The following EPHA8 variants were observed in gnomAD, a reference collection of about 807,000 sequenced individuals.
EPHA8 encodes the protein EPH receptor A8, also known as ephrin type-A receptor 8.
Under a neutral mutation model 103.6 loss-of-function variants are expected in EPHA8, and 58 were observed. The ratio of observed to expected loss-of-function variants is 0.56; its 90% CI spans 0.45 to 0.70. The LOEUF (loss-of-function observed/expected upper bound fraction) is 0.70, where lower values mean the gene tolerates loss of function less well. EPHA8 is among the 30% of genes least tolerant of loss of function. The pLI is 0.00. For missense variants in EPHA8, 1,304 were observed against 1,395.2 expected, an observed-to-expected ratio of 0.93 and a Z score of 1.04; for synonymous variants, 559 against 572.5, an observed-to-expected ratio of 0.98 and a Z score of 0.34.
intron 5 of EPHA8, among the ~76,000 whole-genome samples, chr1:22,591,325 A>G (rs1255130133): frequency 1.3e-5 from 2 of 152,058 alleles, no homozygotes; most frequent in East Asian, 1.9e-4. Context: ...CCGGAGCCCA[A>G]GTGATCCTCC....
In EPHA8 at chr1:22,578,623, G is replaced by A. The variant is rs111203840; in HGVS notation, c.823+1743G>A. ...CATGTGTGCATGAGTGTATGTCTGC[G>A]TGTGTGCATGTGTGTATGTGTATGT... is the stretch of plus-strand genomic sequence containing the variant. On this transcript the variant is annotated intron_variant, in intron 3 of 16. Transcript: ENST00000166244. 9.8e-3 allele frequency among the ~76,000 whole-genome samples: 1,411 copies of A among 144,010 alleles called. 20 individuals carry two copies. The highest frequency in any genetic ancestry group is 0.035 in the African/African-American group (1,328 of 37,910). 94.5% of individuals were successfully genotyped at this position (144,010 alleles called of 152,430 possible). A position where few individuals can be genotyped will look rare whatever the true frequency, so the allele number is the denominator to read the frequency against.
chr1:22,590,408 T>C (rs1435291707), intron 5 of EPHA8, among the ~76,000 whole-genome samples: 6 of 152,206 alleles, frequency 3.9e-5, no homozygotes, highest in Non-Finnish European at 5.9e-5. Flanking sequence ...ACCCTCTCTG[T>C]CCGTGCCTGG....
At chr1:22,590,717 T>C (rs937111433) in intron 5 of EPHA8, among the ~76,000 whole-genome samples, 2 of 151,880 alleles carry the variant, frequency 1.3e-5, no homozygotes, top group African/African-American at 2.4e-5. Context: ...AGATCCATCT[T>C]TTCTGGGCGG....
Position 22,576,630 on chromosome 1 carries a change from C to T in EPHA8, c.573C>T (p.Cys191=). 1 of 1,613,874 alleles carries T rather than the reference C, an allele frequency of 6.2e-7. No homozygotes were observed. Among genetic ancestry groups the T allele is most frequent in the Non-Finnish European group, 8.5e-7 (1 of 1,180,032 alleles). Residue 191 remains cysteine, a synonymous_variant, in exon 3 of 17, where the codon TGC becomes TGT. Coordinates refer to ENST00000166244, the MANE Select transcript of EPHA8 (RefSeq NM_020526.5). The surrounding 1 kb of genome is among the most constrained non-coding windows in gnomAD (Gnocchi z 4.8). ...FYLAFQDIGA[C]LAILSLRIYY... ...TGGCCTTCCAGGACATAGGTGCCTG[C>T]CTGGCCATCCTCTCTCTCCGCATCT... is the stretch of plus-strand genomic sequence containing the variant.
At chr1:22,595,521 C>G (rs1042564959) in intron 8 of EPHA8, among the ~76,000 whole-genome samples, 198 bp downstream of exon 8, 6 of 152,172 alleles carry the variant, frequency 3.9e-5, no homozygotes, top group African/African-American at 1.4e-4. Context: ...AATTGGGGAT[C>G]AGAGAGGTTA....
At chr1:22,577,916 TGAGTGTATGTGTGC>T (rs1640770617) in intron 3 of EPHA8, among the ~76,000 whole-genome samples, 1 of 116,138 alleles carries the variant, frequency 8.6e-6, no homozygotes, top group African/African-American at 3.8e-5. Flanking sequence ...TATGTGTGCG[TGAGTGTATGTGTGC>T]GTGAGTGTAT....
intron 13 of EPHA8, among the ~76,000 whole-genome samples, chr1:22,600,043 AGTGG>A (rs1641666237): frequency 2.2e-5 from 2 of 89,808 alleles, no homozygotes; most frequent in Non-Finnish European, 2.2e-5. Context: ...GGAGGGAGGG[AGTGG>A]AGGAGGAAGG....
chr1:22,598,718 C>G lies in EPHA8; in HGVS notation c.2179-120C>G. The G allele has an allele frequency of 1.0e-6, 1 of 999,352 alleles. No individual in the cohort carries two copies. Among genetic ancestry groups the G allele is most frequent in the South Asian group, 1.6e-5 (1 of 64,290 alleles). The allele number at this position is 999,352 out of a possible 1,614,324, so 61.9% of individuals were successfully genotyped here. On this transcript the variant is annotated intron_variant, in intron 12 of 16. Coordinates refer to ENST00000166244, the MANE Select transcript of EPHA8 (RefSeq NM_020526.5). This position sits in a 1 kb window ranked among gnomAD's most constrained non-coding sequence, Gnocchi z 5.1. The stretch of plus-strand genomic sequence containing the variant: ...AAAGTGCTTCAGAAGTAGTGGCGCA[C>G]TTGGCAAATTGCAAAGCACCGTCTC...
rs146856523 is a variant in EPHA8, at chr1:22,600,995, G to C, written c.2636G>C (p.Arg879Pro). The C allele has an allele frequency of 4.3e-6, 7 of 1,612,906 alleles. No homozygotes were observed. Among genetic ancestry groups the C allele is most frequent in the Non-Finnish European group, 4.2e-6 (5 of 1,179,862 alleles). Residue 879 changes from arginine (R) to proline (P), a missense_variant, in exon 15 of 17, where the codon CGG becomes CCG. By Grantham distance (103) the Arg-to-Pro change is moderately radical (BLOSUM62 -2). Transcript: ENST00000166244. ...QLMLDCWHKD[R>P]AQRPRFSQIV... is the part of the protein sequence containing the mutation. ...ATGCTCGACTGTTGGCACAAGGACC[G>C]GGCGCAGCGGCCTCGCTTCTCCCAG...
intron 3 of EPHA8, among the ~76,000 whole-genome samples, chr1:22,581,037 G>T (rs1041025146): frequency 6.6e-6 from 1 of 152,238 alleles, no homozygotes; most frequent in African/African-American, 2.4e-5. Flanking sequence ...TGGGGATACA[G>T]GTACAGGGAG....
chr1:22,579,505 A>ATG (rs1360163032), intron 3 of EPHA8, among the ~76,000 whole-genome samples: 2 of 151,792 alleles, frequency 1.3e-5, no homozygotes, highest in Non-Finnish European at 2.9e-5. Flanking sequence ...TGGTGTGCGC[A>ATG]TGTGTGTGTG....
At position 22,572,631 on chromosome 1, in the gene EPHA8, A is replaced by G. The variant is rs1343501620; in HGVS notation, c.159+3278A>G. Among the ~76,000 whole-genome samples the G allele has an allele frequency of 2.6e-5, 4 of 152,340 alleles. No homozygotes were observed. In the East Asian group the frequency reaches 7.7e-4, roughly 29 times the overall value. On this transcript the variant is annotated intron_variant, in intron 2 of 16. Coordinates refer to ENST00000166244, the MANE Select transcript of EPHA8 (RefSeq NM_020526.5). ...TCACTGGATTCTCACCACGCCCTGG[A>G]GTAGATGGAAGGAGCAGGCATTTGC...
intron 16 of EPHA8, 37 bp from the exon 17 acceptor site, chr1:22,601,590 C>T (rs1171838041): frequency 1.3e-6 from 2 of 1,582,036 alleles, no homozygotes; most frequent in East Asian, 4.7e-5. Flanking sequence ...TCCCAGCCTC[C>T]CAGGCCCAGC....
chr1:22,566,352 A>G (rs567928764), intron 1 of EPHA8, among the ~76,000 whole-genome samples: 3 of 152,214 alleles, frequency 2.0e-5, no homozygotes, highest in East Asian at 1.9e-4. Context: ...CAATTTAAGT[A>G]TTAGTCTCAG....
At position 22,579,037 on chromosome 1, in the gene EPHA8, ATG is replaced by A. The variant is rs534352140; in HGVS notation, c.823+2164_823+2165del. ...TGCATATGTGCAAGAGTATGTATGC[ATG>A]TGTGTGCATTTGTGCATGTATGTAT... On this transcript the variant is annotated intron_variant, in intron 3 of 16. Transcript: ENST00000166244. Among the ~76,000 whole-genome samples, 1,213 of 139,374 alleles carry A rather than the reference ATG, an allele frequency of 8.7e-3. 13 individuals are homozygous for A. The highest frequency in any genetic ancestry group is 0.029 in the African/African-American group (1,101 of 38,488). 91.4% of individuals were successfully genotyped at this position (139,374 alleles called of 152,430 possible). A position where few individuals can be genotyped will look rare whatever the true frequency, so the allele number is the denominator to read the frequency against.
intron 3 of EPHA8, among the ~76,000 whole-genome samples, chr1:22,585,067 A>G (rs1231056309): frequency 9.9e-6 from 1 of 101,042 alleles, no homozygotes; most frequent in Non-Finnish European, 2.0e-5. Context: ...GCGTGTGTCT[A>G]GAGTTCCAGA....
At position 22,589,976 on chromosome 1, in the gene EPHA8, A is replaced by G. The variant is rs1322309168; in HGVS notation, c.1315+770A>G. ...TGAGGCCTGGAGAGCACCCAGGGCC[A>G]CCTGACATAGGAAGTGGCAGAGGCA... On this transcript the variant is annotated intron_variant, in intron 5 of 16. Transcript: ENST00000166244. This position sits in a 1 kb window ranked among gnomAD's most constrained non-coding sequence, Gnocchi z 4.3. Among the ~76,000 whole-genome samples the G allele has an allele frequency of 6.6e-6, 1 of 152,102 alleles. No individual in the cohort carries two copies. Among genetic ancestry groups the G allele is most frequent in the Non-Finnish European group, 1.5e-5 (1 of 68,008 alleles).
In EPHA8 at chr1:22,576,642, C is replaced by G. The variant is rs1441283800; in HGVS notation, c.585C>G (p.Leu195=). The G allele has an allele frequency of 1.9e-6, 3 of 1,613,942 alleles. No individual in the cohort carries two copies. Among genetic ancestry groups the G allele is most frequent in the African/African-American group, 1.3e-5 (1 of 75,046 alleles). ...ACATAGGTGCCTGCCTGGCCATCCT[C>G]TCTCTCCGCATCTACTATAAGAAGT... is the stretch of plus-strand genomic sequence containing the variant. ...FQDIGACLAI[L]SLRIYYKKCP... is the part of the protein sequence containing the mutation. Residue 195 remains leucine, a synonymous_variant, in exon 3 of 17, where the codon CTC becomes CTG. Coordinates refer to ENST00000166244, the MANE Select transcript of EPHA8 (RefSeq NM_020526.5). This position sits in a 1 kb window ranked among gnomAD's most constrained non-coding sequence, Gnocchi z 4.8.
rs1470339394 is a variant in EPHA8 at position 22,579,067 on chromosome 1, ATG to A, written c.823+2194_823+2195del. Among the ~76,000 whole-genome samples the A allele has an allele frequency of 7.1e-5, 10 of 141,258 alleles. 1 individual carries two copies. The South Asian group carries it at 9.2e-4, about 13-fold the overall frequency. 92.7% of individuals were successfully genotyped at this position (141,258 alleles called of 152,430 possible). ...TGTGCATTTGTGCATGTATGTATGC[ATG>A]TGTGTGCATGTGTACGTGCATGTGT... On this transcript the variant is annotated intron_variant, in intron 3 of 16. Transcript: ENST00000166244.
Sources: gnomAD v4.1 joint callset for allele counts (sites outside exome capture counted in the v4.1 genomes callset) on GRCh38, gnomAD v4.1.1 for gene constraint, Gnocchi (gnomAD v3.1) non-coding constraint, MANE v1.5 for transcripts, NCBI Gene and HGNC (gene_info 2026-07-23, HGNC 2026-07-21) for gene names.